The following SKAP2 variants were observed in gnomAD, a reference collection of about 807,000 sequenced individuals.
SKAP2 encodes the protein src kinase associated phosphoprotein 2.
A neutral mutation model predicts 54.9 loss-of-function variants in SKAP2; 28 were observed. The ratio of observed to expected loss-of-function variants is 0.51; its 90% CI spans 0.38 to 0.70. The LOEUF is 0.70. SKAP2 is among the 30% of genes least tolerant of loss of function. The pLI is 0.00. For synonymous variants in SKAP2, 137 were observed against 134.3 expected (o/e 1.02, Z -0.14); for missense variants, 356 against 424.1 (o/e 0.84, Z 1.41).
chr7:26,658,214 G>C, the SKAP2 span, among the ~76,000 whole-genome samples: 8 of 152,100 alleles, frequency 5.3e-5, no homozygotes, highest in Admixed American at 1.3e-4. Flanking sequence ...CTAGCGATGG[G>C]GTACTTTGGA....
chr7:26,756,197 T>C (rs374249430), intron 4 of SKAP2, among the ~76,000 whole-genome samples: 1 of 152,250 alleles, frequency 6.6e-6, no homozygotes, highest in Non-Finnish European at 1.5e-5. Context: ...TTTTTTATTA[T>C]ACTTTAAGTT....
Position 26,714,587 on chromosome 7 carries a change from A to G in SKAP2, c.796+10841T>C, listed in dbSNP as rs143648010. Among the ~76,000 whole-genome samples, 17 of 152,240 alleles carry G rather than the reference A, an allele frequency of 1.1e-4. No homozygotes were observed. The East Asian group carries it at 3.3e-3, about 29-fold the overall frequency. On this transcript the variant is annotated intron_variant, in intron 9 of 12. Coordinates refer to ENST00000345317, the MANE Select transcript of SKAP2 (RefSeq NM_003930.5). ...AAGAGTGCTTATATTTATCACTGACATTTTGTTGAACTTGTTCATTCTTAT... is the reference window on the plus strand; with the variant it reads ...AAGAGTGCTTATATTTATCACTGACGTTTTGTTGAACTTGTTCATTCTTAT...
intron 4 of SKAP2, among the ~76,000 whole-genome samples, chr7:26,818,218 T>A (rs28806787): frequency 0.21 from 32,290 of 152,050 alleles, 3,502 homozygotes; most frequent in Non-Finnish European, 0.24. Context: ...CGAAACAGCA[T>A]GGCACTGGTA....
intron 4 of SKAP2, among the ~76,000 whole-genome samples, chr7:26,774,773 G>A (rs1229334965): frequency 6.6e-6 from 1 of 152,172 alleles, no homozygotes; most frequent in Non-Finnish European, 1.5e-5. Context: ...AGGTCAGAGA[G>A]ATGTGGATAA....
chr7:26,718,363 CTCTT>C (rs1259136830), intron 9 of SKAP2, among the ~76,000 whole-genome samples: 1 of 151,880 alleles, frequency 6.6e-6, no homozygotes, highest in African/African-American at 2.4e-5. Context: ...TAAAAAGGAT[CTCTT>C]TTTTGTTTTA....
chr7:26,813,790 G>A (rs956174826), intron 4 of SKAP2, among the ~76,000 whole-genome samples: 3 of 152,152 alleles, frequency 2.0e-5, no homozygotes, highest in Admixed American at 6.5e-5. Context: ...TGATCAAACA[G>A]GGTAATGAGA....
At position 26,667,402 on chromosome 7, in the gene SKAP2, A is replaced by G. The variant is rs535913769; in HGVS notation, c.*2264T>C. 6.6e-6 allele frequency: 1 copy of G among 152,224 alleles called. No homozygotes were observed. Among genetic ancestry groups the G allele is most frequent in the East Asian group, 1.9e-4 (1 of 5,202 alleles). 9.4% of individuals were successfully genotyped at this position (152,224 alleles called of 1,614,324 possible). A position where few individuals can be genotyped will look rare whatever the true frequency, so the allele number is the denominator to read the frequency against. On this transcript the variant is annotated 3_prime_UTR_variant, in exon 13 of 13. Transcript: ENST00000345317. ...GTAAAGAAAACTCTCCCTGGTTTGT[A>G]TACAAATGATTTCATCAAATGAATA...
chr7:26,864,055 TCA>T (rs35995014), intron 1 of SKAP2, among the ~76,000 whole-genome samples: 4,186 of 143,186 alleles, frequency 0.029, 181 homozygotes, highest in East Asian at 0.13. Flanking sequence ...CGCCCTTCTG[TCA>T]CACACACACA....
chr7:26,815,301 T>C (rs1019763414), intron 4 of SKAP2, among the ~76,000 whole-genome samples: 2 of 152,060 alleles, frequency 1.3e-5, no homozygotes, highest in Non-Finnish European at 2.9e-5. Context: ...TTAATCTCTC[T>C]TGAAAGGGAG....
At chr7:26,829,708 T>C (rs1379272709) in intron 4 of SKAP2, among the ~76,000 whole-genome samples, 1 of 152,146 alleles carries the variant, frequency 6.6e-6, no homozygotes, top group Admixed American at 6.6e-5. Flanking sequence ...TACAGTAAGA[T>C]ACCACTTCAC....
At chr7:26,706,836 C>T (rs966283711) in intron 9 of SKAP2, among the ~76,000 whole-genome samples, 2 of 152,198 alleles carry the variant, frequency 1.3e-5, no homozygotes, top group East Asian at 1.9e-4. Context: ...CCTAATTTAA[C>T]ATGACTTCAA....
intron 4 of SKAP2, among the ~76,000 whole-genome samples, chr7:26,775,976 C>T (rs769644038): frequency 2.0e-5 from 3 of 152,042 alleles, no homozygotes; most frequent in Non-Finnish European, 4.4e-5. Context: ...ATGTTTCATT[C>T]CTCAATCCAC....
intron 4 of SKAP2, among the ~76,000 whole-genome samples, chr7:26,758,010 C>T (rs905668660): frequency 1.3e-5 from 2 of 152,202 alleles, no homozygotes; most frequent in African/African-American, 4.8e-5. Context: ...ATCCACCCAC[C>T]TCGGCCTCCC....
intron 4 of SKAP2, among the ~76,000 whole-genome samples, chr7:26,841,089 G>C (rs777069066): frequency 3.9e-5 from 6 of 151,972 alleles, no homozygotes; most frequent in East Asian, 1.9e-4. Flanking sequence ...CAACTCTTTT[G>C]TATAGAGAAG....
intron 4 of SKAP2, among the ~76,000 whole-genome samples, chr7:26,834,700 T>C (rs1784669021): frequency 6.6e-6 from 1 of 152,152 alleles, no homozygotes; most frequent in Non-Finnish European, 1.5e-5. Flanking sequence ...GAGGCAGTAA[T>C]TAACAGCCTA....
intron 4 of SKAP2, among the ~76,000 whole-genome samples, chr7:26,828,399 C>T (rs931924741): frequency 6.6e-5 from 10 of 152,106 alleles, no homozygotes; most frequent in East Asian, 1.9e-4. Context: ...ATAGCAAGGC[C>T]GGGCGCGGTG....
At chr7:26,757,857 G>A (rs922069761) in intron 4 of SKAP2, among the ~76,000 whole-genome samples, 1 of 152,140 alleles carries the variant, frequency 6.6e-6, no homozygotes, top group African/African-American at 2.4e-5. Flanking sequence ...TGCCTCCCAG[G>A]TTCAAGTGAT....
chr7:26,825,473 T>C (rs920754213), intron 4 of SKAP2, among the ~76,000 whole-genome samples: 6 of 151,808 alleles, frequency 4.0e-5, no homozygotes, highest in Non-Finnish European at 7.4e-5. Context: ...TACCTTTTCA[T>C]ATAGGTGCTA....
intron 10 of SKAP2, among the ~76,000 whole-genome samples, chr7:26,687,156 C>T (rs1041583550): frequency 6.7e-6 from 1 of 150,080 alleles, no homozygotes; most frequent in Non-Finnish European, 1.5e-5. Flanking sequence ...GGTCTCTCTT[C>T]CCCTCGATAC....
Sources: gnomAD v4.1 joint callset for allele counts (sites outside exome capture counted in the v4.1 genomes callset) on GRCh38, gnomAD v4.1.1 for gene constraint, MANE v1.5 for transcripts, NCBI Gene and HGNC (gene_info 2026-07-23, HGNC 2026-07-21) for gene names.